NRXN1: variants seen among roughly 807,000 people sequenced by gnomAD.
NRXN1 encodes the protein neurexin 1, also known as neurexin-1.
A neutral mutation model predicts 150.9 loss-of-function variants in NRXN1; 39 were observed. The ratio of observed to expected loss-of-function variants is 0.26; its 90% CI spans 0.20 to 0.34. The LOEUF (loss-of-function observed/expected upper bound fraction) is 0.34. Among genes scored for constraint, NRXN1 ranks in the 10% least tolerant of loss-of-function variants. NRXN1 has a pLI of 1.00. For synonymous variants in NRXN1, 924 were observed against 757.0 expected (o/e 1.22, Z -3.62); for missense variants, 1,815 against 1,949.9 (o/e 0.93, Z 1.30).
chr2:50,830,331 C>G (rs1024997723), intron 5 of NRXN1, among the ~76,000 whole-genome samples: 1 of 151,962 alleles, frequency 6.6e-6, no homozygotes, highest in African/African-American at 2.4e-5. Context: ...GAGCCAAGCC[C>G]CATGTTCACT....
intron 5 of NRXN1, among the ~76,000 whole-genome samples, chr2:50,801,990 A>T (rs1380455367): frequency 2.6e-5 from 4 of 152,176 alleles, no homozygotes; most frequent in Non-Finnish European, 5.9e-5. Context: ...TACCTACCAT[A>T]AGAATGCTAA....
At chr2:50,352,652 T>C (rs11694287) in intron 17 of NRXN1, among the ~76,000 whole-genome samples, 23,149 of 151,302 alleles carry the variant, frequency 0.15, 2,057 homozygotes, top group African/African-American at 0.24. Context: ...CAGAAGAGGG[T>C]TTGTTCTGGA....
chr2:50,805,114 T>C (rs1667340203), intron 5 of NRXN1, among the ~76,000 whole-genome samples: 1 of 152,166 alleles, frequency 6.6e-6, no homozygotes, highest in Non-Finnish European at 1.5e-5. Flanking sequence ...TGCCACATAG[T>C]TGGTAATATA....
chr2:50,023,455 C>T (rs560644131), intron 21 of NRXN1: 1 of 152,102 alleles, frequency 6.6e-6, no homozygotes, highest in African/African-American at 2.4e-5. Flanking sequence ...GAAAATACAT[C>T]CCATTTTTTC....
intron 17 of NRXN1, among the ~76,000 whole-genome samples, chr2:50,419,468 C>T (rs1409443885): frequency 3.9e-5 from 6 of 151,900 alleles, no homozygotes; most frequent in African/African-American, 1.2e-4. Context: ...AATGCAAATG[C>T]CATTATCATC....
At chr2:50,471,590 T>C (rs112680208) in intron 16 of NRXN1, among the ~76,000 whole-genome samples, 40 of 151,980 alleles carry the variant, frequency 2.6e-4, no homozygotes, top group African/African-American at 8.9e-4. Context: ...CTTTCTGACA[T>C]AGTGACTTCT....
chr2:50,597,708 G>C (rs920444427), intron 8 of NRXN1, among the ~76,000 whole-genome samples: 1 of 152,090 alleles, frequency 6.6e-6, no homozygotes, highest in African/African-American at 2.4e-5. Flanking sequence ...AGGTTTTCTT[G>C]TTTGCTGCTC....
intron 17 of NRXN1, among the ~76,000 whole-genome samples, chr2:50,458,601 T>C (rs1163851835): frequency 6.7e-6 from 1 of 150,082 alleles, no homozygotes; most frequent in African/African-American, 2.5e-5. Flanking sequence ...TTTTTTGAGA[T>C]GGAGTTTCAC....
intron 5 of NRXN1, among the ~76,000 whole-genome samples, chr2:50,737,778 C>A (rs1471932980): frequency 6.6e-6 from 1 of 152,010 alleles, no homozygotes; most frequent in African/African-American, 2.4e-5. Context: ...CAATGAAAAT[C>A]GTTTATGAAT....
At chr2:50,413,523 A>G (rs777214174) in intron 17 of NRXN1, among the ~76,000 whole-genome samples, 5 of 152,218 alleles carry the variant, frequency 3.3e-5, no homozygotes, top group Non-Finnish European at 7.3e-5. Context: ...ACCAAAAGAC[A>G]GGCAATAACA....
intron 8 of NRXN1, among the ~76,000 whole-genome samples, chr2:50,618,014 C>T (rs1679326378): frequency 6.6e-6 from 1 of 152,104 alleles, no homozygotes; most frequent in South Asian, 2.1e-4. Flanking sequence ...TATTTGGATG[C>T]CCAAGAGTTC....
Position 50,492,041 on chromosome 2 carries a change from C to T in NRXN1, c.3070+3864G>A, listed in dbSNP as rs116177501. On this transcript the variant is annotated intron_variant, in intron 15 of 22. Coordinates refer to ENST00000401669, the MANE Select transcript of NRXN1 (RefSeq NM_001330078.2). Reference sequence around the variant, plus strand: ...ATATTAGCTCCCTCCCATATATATGCACATCCTAACATACAAATTTGCCAA... The same window carrying T: ...ATATTAGCTCCCTCCCATATATATGTACATCCTAACATACAAATTTGCCAA... Among the ~76,000 whole-genome samples, 1,164 of 152,238 alleles carry T rather than the reference C, an allele frequency of 7.6e-3. 10 individuals carry two copies. The highest frequency in any genetic ancestry group is 0.026 in the African/African-American group (1,070 of 41,528).
In NRXN1 at chr2:50,176,934, A is replaced by G. The variant is rs554203031; in HGVS notation, c.3546+59855T>C. On this transcript the variant is annotated intron_variant, in intron 18 of 22. Transcript: ENST00000401669. ...TGGTAATCATAAGAACACCACACAT[A>G]AAAAGAAAGGGAAGAGTAAACCGAG... Among the ~76,000 whole-genome samples, 3 of 152,270 alleles carry G rather than the reference A, an allele frequency of 2.0e-5. No homozygotes were observed. The South Asian group carries it at 6.2e-4, about 32-fold the overall frequency.
intron 17 of NRXN1, among the ~76,000 whole-genome samples, chr2:50,329,961 T>G (rs2076729483): frequency 6.6e-6 from 1 of 151,740 alleles, no homozygotes; most frequent in Admixed American, 6.6e-5. Flanking sequence ...CGTGAGCCAC[T>G]GCACCCGGCC....
intron 9 of NRXN1, among the ~76,000 whole-genome samples, chr2:50,545,455 G>A (rs886168551): frequency 6.6e-6 from 1 of 152,186 alleles, no homozygotes; most frequent in Admixed American, 6.5e-5. Flanking sequence ...TCTTCTTAGG[G>A]TGCTACTGAT....
intron 18 of NRXN1, among the ~76,000 whole-genome samples, chr2:50,127,914 C>G (rs1386593874): frequency 6.6e-6 from 1 of 152,212 alleles, no homozygotes; most frequent in Non-Finnish European, 1.5e-5. Context: ...CTTTTAAACA[C>G]TCCTCAAGGA....
Position 49,930,973 on chromosome 2 carries a change from T to A in NRXN1, c.4217-8722A>T, listed in dbSNP as rs1670029448. Among the ~76,000 whole-genome samples the A allele has an allele frequency of 3.3e-5, 5 of 152,156 alleles. No individual in the cohort carries two copies. The South Asian group carries it at 1.0e-3, about 32-fold the overall frequency. On this transcript the variant is annotated intron_variant, in intron 22 of 22. Coordinates refer to ENST00000401669, the MANE Select transcript of NRXN1 (RefSeq NM_001330078.2). ...AACAAGATACTGTCTCTAGAAAAAA[T>A]TAAAACAAATATTAGTTGGGCATAG...
At chr2:49,984,162 G>C (rs1199206883) in intron 21 of NRXN1, among the ~76,000 whole-genome samples, 2 of 151,974 alleles carry the variant, frequency 1.3e-5, no homozygotes, top group African/African-American at 4.8e-5. Context: ...GTGAGACCTG[G>C]TTTCAAAAAA....
intron 18 of NRXN1, among the ~76,000 whole-genome samples, chr2:50,156,170 CTAAAGT>C (rs1235962780): frequency 1.3e-5 from 2 of 151,552 alleles, no homozygotes; most frequent in South Asian, 2.1e-4. Flanking sequence ...AAGGTTATTT[CTAAAGT>C]TAAAGTAAAA....
Sources: allele counts gnomAD v4.1 joint callset (sites outside exome capture counted in the v4.1 genomes callset), GRCh38; gene constraint gnomAD v4.1.1; transcripts MANE v1.5; gene names NCBI Gene and HGNC (gene_info 2026-07-23, HGNC 2026-07-21).